The following ACADSB variants were observed in gnomAD, a reference collection of about 807,000 sequenced individuals.
The protein encoded by ACADSB is acyl-CoA dehydrogenase short/branched chain.
In ACADSB, 40 loss-of-function variants were observed where a neutral mutation model predicts 54.1. That is an observed-to-expected ratio of 0.74 (90% CI 0.57 to 0.96). The LOEUF is 0.96. Ranked by LOEUF, ACADSB falls within the 40% of genes least tolerant of loss-of-function variation. The pLI, the probability that ACADSB is intolerant of heterozygous loss-of-function variation, is 0.00. For missense variants in ACADSB, 530 were observed against 510.4 expected (o/e 1.04, Z -0.37); for synonymous variants, 182 against 182.8 (o/e 1.00, Z 0.03).
intron 8 of ACADSB, among the ~76,000 whole-genome samples, chr10:123,050,709 T>C (rs1850618443): frequency 7.9e-6 from 1 of 125,934 alleles, no homozygotes; most frequent in Admixed American, 9.0e-5. Context: ...CAGGATTTCA[T>C]TTAAGCTCAA....
Position 123,038,396 on chromosome 10 carries a change from G to A in ACADSB, c.303+549G>A, listed in dbSNP as rs1224010849. On this transcript the variant is annotated intron_variant, in intron 3 of 10. Coordinates refer to ENST00000358776, the MANE Select transcript of ACADSB (RefSeq NM_001609.4). ...GTGATACATGAATTCCACATAAACC[G>A]GGCAACAGATTCCCATCTTCTCAAG... Among the ~76,000 whole-genome samples the A allele has an allele frequency of 3.9e-5, 6 of 152,094 alleles. No homozygotes were observed. The East Asian group carries it at 9.6e-4, about 24-fold the overall frequency.
Position 123,009,069 on chromosome 10 carries a change from C to G in ACADSB, c.40C>G (p.Leu14Val), listed in dbSNP as rs1292456342. 1 of 1,546,346 alleles carries G rather than the reference C, an allele frequency of 6.5e-7. No individual in the cohort carries two copies. Among genetic ancestry groups the G allele is most frequent in the East Asian group, 2.4e-5 (1 of 40,874 alleles). ...AGTGCGGTTGCTGCGCGGCAGCAGG[C>G]TGGTGAGTGCGTTCGAGGCTGGCGT... ...LAVRLLRGSR[L>V]LRRNFLTCLS... is the part of the protein sequence containing the mutation. Residue 14 changes from leucine to valine, a missense_variant and splice_region_variant, in exon 1 of 11, where the codon CTG becomes GTG. By Grantham distance (32) the Leu-to-Val change is conservative. Coordinates refer to ENST00000358776, the MANE Select transcript of ACADSB (RefSeq NM_001609.4).
At chr10:123,018,704 A>C (rs1371213358) in intron 1 of ACADSB, among the ~76,000 whole-genome samples, 1 of 152,214 alleles carries the variant, frequency 6.6e-6, no homozygotes, top group Non-Finnish European at 1.5e-5. Flanking sequence ...GTGGCTGACG[A>C]GGCCCCACAA....
chr10:123,051,272 G>A, intron 9 of ACADSB, 86 bp downstream of exon 9: 1 of 1,370,900 alleles, frequency 7.3e-7, no homozygotes, highest in South Asian at 1.5e-5. Flanking sequence ...TTTCTCTTGG[G>A]AATGTTGATT....
intron 10 of ACADSB, 84 bp from the exon 11 acceptor site, chr10:123,053,611 C>A: frequency 1.7e-6 from 2 of 1,152,740 alleles, no homozygotes; most frequent in Non-Finnish European, 1.3e-6. Flanking sequence ...TTATAGCAAG[C>A]GCAGAGGTGA....
chr10:123,045,131 G>GTATATATA (rs759224009), intron 7 of ACADSB, among the ~76,000 whole-genome samples: 11 of 26,890 alleles, frequency 4.1e-4, no homozygotes, highest in South Asian at 2.6e-3. Context: ...TTTGTAGAGT[G>GTATATATA]TATATATATA....
rs745863047 is a variant in ACADSB at position 123,009,071 on chromosome 10, G to T, written c.42G>T (p.Leu14=). ...TGCGGTTGCTGCGCGGCAGCAGGCT[G>T]GTGAGTGCGTTCGAGGCTGGCGTCC... is the stretch of plus-strand genomic sequence containing the variant. ...LAVRLLRGSR[L]LRRNFLTCLS... is the part of the protein sequence containing the mutation. The change falls in exon 1 of 11, where the codon CTG becomes CTT. Residue 14 remains leucine, a splice_region_variant and synonymous_variant. Transcript: ENST00000358776. 1.9e-6 allele frequency: 3 copies of T among 1,546,186 alleles called. No homozygotes were observed. In the East Asian group the frequency reaches 7.3e-5, roughly 38 times the overall value.
At chr10:123,017,007 C>T (rs372454070) in intron 1 of ACADSB, among the ~76,000 whole-genome samples, 1 of 152,258 alleles carries the variant, frequency 6.6e-6, no homozygotes, top group East Asian at 1.9e-4. Context: ...TGTCCCCAGC[C>T]AGTGTTGAAT....
chr10:123,041,417 C>G, intron 5 of ACADSB, 38 bp downstream of exon 5: 1 of 1,597,144 alleles, frequency 6.3e-7, no homozygotes, highest in East Asian at 2.2e-5. Context: ...TTTTCCAAAC[C>G]CCTTCTTTTC....
chr10:123,056,346 A>AGCAAAAGT lies in ACADSB; in HGVS notation c.*2583_*2590dup, dbSNP rs1194760082. ...TGGTGGCAAGAGAAAATGAAGAAGA[A>AGCAAAAGT]GCAAAAGTGGAAACCCCTGATAAAC... On this transcript the variant is annotated 3_prime_UTR_variant, in exon 11 of 11. Transcript: ENST00000358776. 1 of 232,566 alleles carries AGCAAAAGT rather than the reference A, an allele frequency of 4.3e-6. No individual in the cohort carries two copies. The highest frequency in any genetic ancestry group is 2.3e-5 in the African/African-American group (1 of 42,984). The allele number at this position is 232,566 out of a possible 1,614,324, so 14.4% of individuals were successfully genotyped here.
intron 1 of ACADSB, among the ~76,000 whole-genome samples, chr10:123,018,746 G>A (rs942371907): frequency 6.6e-6 from 1 of 152,156 alleles, no homozygotes; most frequent in Non-Finnish European, 1.5e-5. Flanking sequence ...AGGAGCAAAG[G>A]CACGTCTTAC....
At chr10:123,013,621 G>C (rs1462145396) in intron 1 of ACADSB, among the ~76,000 whole-genome samples, 1 of 152,262 alleles carries the variant, frequency 6.6e-6, no homozygotes, top group African/African-American at 2.4e-5. Flanking sequence ...ACTCAGGCAT[G>C]GTGGGCTGCA....
intron 1 of ACADSB, among the ~76,000 whole-genome samples, chr10:123,029,285 G>A (rs1196188451): frequency 1.3e-5 from 2 of 151,698 alleles, no homozygotes; most frequent in African/African-American, 2.4e-5. Context: ...GGTGCAGTTT[G>A]TAGTGAGCTG....
At chr10:123,034,977 T>G (rs1440992950) in intron 2 of ACADSB, among the ~76,000 whole-genome samples, 1 of 150,320 alleles carries the variant, frequency 6.7e-6, no homozygotes, top group Non-Finnish European at 1.5e-5. Flanking sequence ...TGAGATGGAG[T>G]CTCACTCTGA....
intron 1 of ACADSB, among the ~76,000 whole-genome samples, chr10:123,019,553 G>A (rs773026489): frequency 3.3e-5 from 5 of 152,202 alleles, no homozygotes; most frequent in Non-Finnish European, 7.3e-5. Context: ...GCAGTCTTTG[G>A]TGATAGTTTT....
intron 9 of ACADSB, among the ~76,000 whole-genome samples, chr10:123,051,417 A>G (rs1318485524): frequency 6.6e-6 from 1 of 152,074 alleles, no homozygotes; most frequent in Admixed American, 6.5e-5. Context: ...AGCCCAGCTC[A>G]GCTAGACCAC....
At chr10:123,033,177 C>A (rs910199833) in intron 1 of ACADSB, among the ~76,000 whole-genome samples, 3 of 152,162 alleles carry the variant, frequency 2.0e-5, no homozygotes, top group Non-Finnish European at 4.4e-5. Flanking sequence ...CAAACTGACT[C>A]CTACTTCTGA....
At position 123,044,744 on chromosome 10, in the gene ACADSB, G is replaced by A. The variant is rs143430941; in HGVS notation, c.900+259G>A. Among the ~76,000 whole-genome samples the A allele has an allele frequency of 5.1e-3, 774 of 152,080 alleles. 3 individuals are homozygous for A. Among genetic ancestry groups the A allele is most frequent in the African/African-American group, 0.017 (713 of 41,492 alleles). On this transcript the variant is annotated intron_variant, in intron 7 of 10. Transcript: ENST00000358776. ...TAAAGTATTATCTAATACCTGAACC[G>A]ATAGCTTTTCAAATGTATTGTAAAT...
At chr10:123,027,259 T>A (rs1363366464) in intron 1 of ACADSB, among the ~76,000 whole-genome samples, 1 of 152,166 alleles carries the variant, frequency 6.6e-6, no homozygotes, top group Non-Finnish European at 1.5e-5. Context: ...TGAATCACAA[T>A]CTTAGATGTT....
Sources: allele counts gnomAD v4.1 joint callset (sites outside exome capture counted in the v4.1 genomes callset), GRCh38; gene constraint gnomAD v4.1.1; transcripts MANE v1.5; gene names NCBI Gene and HGNC (gene_info 2026-07-23, HGNC 2026-07-21).